Variants in TMEM232 observed in about 807,000 individuals in gnomAD.
The protein encoded by TMEM232 is transmembrane protein 232.
A neutral mutation model predicts 78.8 loss-of-function variants in TMEM232; 80 were observed. That is an observed-to-expected ratio of 1.01 (90% CI 0.85 to 1.22). The LOEUF (loss-of-function observed/expected upper bound fraction) is 1.22. Ranked by LOEUF, TMEM232 falls within the 50% of genes most tolerant of loss-of-function variation. The pLI is 0.00. For synonymous variants in TMEM232, 297 were observed against 254.3 expected (o/e 1.17, Z -1.60); for missense variants, 881 against 742.2 (o/e 1.19, Z -2.17).
chr5:110,451,684 A>G (rs984939186), intron 12 of TMEM232, among the ~76,000 whole-genome samples: 1 of 152,082 alleles, frequency 6.6e-6, no homozygotes, highest in Non-Finnish European at 1.5e-5. Flanking sequence ...CTTGCTATCA[A>G]TTAAACATTT....
intron 12 of TMEM232, among the ~76,000 whole-genome samples, chr5:110,478,448 A>G (rs1281508300): frequency 6.6e-6 from 1 of 151,884 alleles, no homozygotes; most frequent in Non-Finnish European, 1.5e-5. Context: ...CTATAACTCA[A>G]AGTAAGGGAA....
intron 1 of TMEM232, among the ~76,000 whole-genome samples, chr5:110,679,274 C>CT (rs1792414628): frequency 6.6e-6 from 1 of 152,146 alleles, no homozygotes; most frequent in African/African-American, 2.4e-5. Context: ...TCTCTGATGA[C>CT]TTATGATATA....
chr5:110,577,106 G>A (rs1036416836), intron 10 of TMEM232, among the ~76,000 whole-genome samples: 2 of 151,980 alleles, frequency 1.3e-5, no homozygotes, highest in Non-Finnish European at 2.9e-5. Flanking sequence ...TTGGGAATGG[G>A]AGAAAATTTT....
chr5:110,701,248 C>T (rs1293916373), intron 1 of TMEM232, among the ~76,000 whole-genome samples: 1 of 151,894 alleles, frequency 6.6e-6, no homozygotes, highest in Non-Finnish European at 1.5e-5. Context: ...AACACATATT[C>T]CTAACTATGG....
At chr5:110,721,667 G>GTATATATATATATATA (rs1277641654) in intron 1 of TMEM232, among the ~76,000 whole-genome samples, 189 of 10,448 alleles carry the variant, frequency 0.018, 14 homozygotes, top group African/African-American at 0.026. Flanking sequence ...GTGTGTGTGT[G>GTATATATATATATATA]TGTGTGTATA....
At chr5:110,586,498 T>A (rs1350316304) in intron 10 of TMEM232, among the ~76,000 whole-genome samples, 1 of 152,052 alleles carries the variant, frequency 6.6e-6, no homozygotes, top group Non-Finnish European at 1.5e-5. Flanking sequence ...CTATTGGTAA[T>A]TCTTTCCCCC....
intron 1 of TMEM232, among the ~76,000 whole-genome samples, chr5:110,685,794 T>C (rs1024048459): frequency 2.6e-5 from 4 of 152,262 alleles, no homozygotes; most frequent in South Asian, 2.1e-4. Context: ...GTTTATATAA[T>C]AGGATTATTC....
At chr5:110,532,190 C>T (rs1188482215) in intron 11 of TMEM232, among the ~76,000 whole-genome samples, 1 of 152,064 alleles carries the variant, frequency 6.6e-6, no homozygotes, top group African/African-American at 2.4e-5. Context: ...CCCATTTGTG[C>T]AGGATCCCAC....
At chr5:110,540,218 G>A (rs1017670631) in intron 11 of TMEM232, among the ~76,000 whole-genome samples, 3 of 152,198 alleles carry the variant, frequency 2.0e-5, no homozygotes, top group Non-Finnish European at 4.4e-5. Context: ...CAGATCAACT[G>A]CCTACTTTTC....
intron 1 of TMEM232, among the ~76,000 whole-genome samples, chr5:110,681,868 C>T (rs1398812264): frequency 1.3e-5 from 2 of 152,108 alleles, no homozygotes; most frequent in Non-Finnish European, 2.9e-5. Flanking sequence ...TTCATTCCTT[C>T]TCGGGAGAGT....
intron 2 of TMEM232, among the ~76,000 whole-genome samples, chr5:110,652,080 G>A (rs1312653821): frequency 6.6e-6 from 1 of 152,062 alleles, no homozygotes; most frequent in Non-Finnish European, 1.5e-5. Flanking sequence ...CACACTCAAG[G>A]TTATATCTTG....
chr5:110,390,951 A>G (rs1256094249), intron 3 of TMEM232, among the ~76,000 whole-genome samples: 1 of 152,238 alleles, frequency 6.6e-6, no homozygotes, highest in East Asian at 1.9e-4. Context: ...GTTCCATTAT[A>G]ATACACACAC....
chr5:110,571,467 G>C (rs117171906), intron 10 of TMEM232, among the ~76,000 whole-genome samples: 1 of 151,972 alleles, frequency 6.6e-6, no homozygotes, highest in East Asian at 2.0e-4. Flanking sequence ...TACAGACAGA[G>C]AAGGGAAGAG....
intron 2 of TMEM232, among the ~76,000 whole-genome samples, chr5:110,733,449 C>T (rs149641511): frequency 3.3e-5 from 5 of 152,122 alleles, no homozygotes; most frequent in South Asian, 2.1e-4. Context: ...AACCTAAATG[C>T]CCATCACTGC....
chr5:110,439,160 T>A (rs529871732), intron 12 of TMEM232, among the ~76,000 whole-genome samples: 25 of 152,104 alleles, frequency 1.6e-4, no homozygotes, highest in Non-Finnish European at 2.8e-4. Flanking sequence ...CAGCTGCCTA[T>A]AAAGCACAAG....
At chr5:110,694,670 A>G (rs1794548959) in intron 1 of TMEM232, among the ~76,000 whole-genome samples, 1 of 151,938 alleles carries the variant, frequency 6.6e-6, no homozygotes, top group South Asian at 2.1e-4. Flanking sequence ...CGCTGATAAA[A>G]CAGACTTTAA....
chr5:110,437,397 AGAT>A (rs1758557335), intron 12 of TMEM232, among the ~76,000 whole-genome samples: 1 of 152,056 alleles, frequency 6.6e-6, no homozygotes, highest in Non-Finnish European at 1.5e-5. Flanking sequence ...ACAATTTTAA[AGAT>A]GCATATATTT....
rs1294569608 is a variant in TMEM232 at position 110,508,886 on chromosome 5, G to GTATATATGTATATATATAAAATTA, written c.1703+19678_1703+19701dup. 3.9e-3 allele frequency among the ~76,000 whole-genome samples: 527 copies of GTATATATGTATATATATAAAATTA among 134,750 alleles called. 6 individuals carry two copies. Among genetic ancestry groups the GTATATATGTATATATATAAAATTA allele is most frequent in the African/African-American group, 0.014 (489 of 35,748 alleles). 88.4% of individuals were successfully genotyped at this position (134,750 alleles called of 152,430 possible). Reference sequence around the variant, plus strand: ...TATATACACACACACATATATATGTGTATATATGTATATATATAAAATTAT... The same window carrying GTATATATGTATATATATAAAATTA: ...TATATACACACACACATATATATGTGTATATATGTATATATATAAAATTATATATATGTATATATATAAAATTAT... On this transcript the variant is annotated intron_variant, in intron 12 of 13. Transcript: ENST00000455884.
At chr5:110,596,114 C>T (rs1014799494) in intron 10 of TMEM232, among the ~76,000 whole-genome samples, 1 of 151,870 alleles carries the variant, frequency 6.6e-6, no homozygotes, top group Non-Finnish European at 1.5e-5. Context: ...AGAGTTGGGG[C>T]CAATATTCAA....
Sources: allele counts gnomAD v4.1 joint callset (sites outside exome capture counted in the v4.1 genomes callset), GRCh38; gene constraint gnomAD v4.1.1; transcripts MANE v1.5; gene names NCBI Gene and HGNC (gene_info 2026-07-23, HGNC 2026-07-21).